The following TRPM7 variants were observed in gnomAD, a reference collection of about 807,000 sequenced individuals.
TRPM7 encodes the protein LTRPC ion channel family member 7.
A neutral mutation model predicts 229.7 loss-of-function variants in TRPM7; 134 were observed. That is an observed-to-expected ratio of 0.58 (90% CI 0.51 to 0.67). TRPM7 has a LOEUF of 0.67. TRPM7 is among the 30% of genes least tolerant of loss of function. The pLI is 0.00. For missense variants in TRPM7, 1,901 were observed against 2,210.0 expected (o/e 0.86, Z 2.80); for synonymous variants, 699 against 715.2 (o/e 0.98, Z 0.36).
At chr15:50,678,040 C>T (rs532528428) in intron 1 of TRPM7, among the ~76,000 whole-genome samples, 43 of 151,628 alleles carry the variant, frequency 2.8e-4, no homozygotes, top group African/African-American at 1.0e-3. Flanking sequence ...GAGATTGAGA[C>T]CAGTCTGACC....
chr15:50,575,919 C>T lies in TRPM7; in HGVS notation c.4619G>A (p.Gly1540Asp), dbSNP rs745891955. ...AGCTGGCTTAAATGGAGAAGTGAGA[C>T]CTAGAATGGCAAATAAACAAACGAG... ...EMPSEEGTLN[G>D]LTSPFKPAMD... is the part of the protein sequence containing the mutation. The change falls in exon 32 of 39, where the codon GGT becomes GAT. Residue 1540 changes from glycine to aspartate, a missense_variant and splice_region_variant. Around this residue, in one of 8 missense-constraint regions of TRPM7, gnomAD observed 533 missense variants for 497.1 expected, o/e 1.07. Transcript: ENST00000646667. The T allele has an allele frequency of 1.2e-6, 2 of 1,612,910 alleles. No homozygotes were observed. The highest frequency in any genetic ancestry group is 1.3e-5 in the African/African-American group (1 of 74,972).
At chr15:50,642,249 C>T (rs1234592026) in intron 5 of TRPM7, among the ~76,000 whole-genome samples, 1 of 152,160 alleles carries the variant, frequency 6.6e-6, no homozygotes, top group African/African-American at 2.4e-5. Context: ...GGAAATAATG[C>T]TTTGCTCTAC....
chr15:50,563,775 T>C (rs1237704061), intron 38 of TRPM7, among the ~76,000 whole-genome samples: 1 of 152,194 alleles, frequency 6.6e-6, no homozygotes, highest in Non-Finnish European at 1.5e-5. Context: ...ATTCATAAAC[T>C]TTCTTAAAAC....
chr15:50,637,303 C>T, intron 7 of TRPM7, 119 bp downstream of exon 7: 1 of 913,690 alleles, frequency 1.1e-6, no homozygotes, highest in Admixed American at 2.8e-5. Context: ...TTGGTTGTTT[C>T]ATATGTTATC....
intron 7 of TRPM7, 119 bp downstream of exon 7, chr15:50,637,303 C>A: frequency 1.1e-6 from 1 of 913,690 alleles, no homozygotes. Context: ...TTGGTTGTTT[C>A]ATATGTTATC....
In TRPM7 at chr15:50,686,768, C is replaced by CCCGCCT. The variant is rs1299312958; in HGVS notation, c.-241_-236dup. 5.1e-5 allele frequency: 24 copies of CCCGCCT among 472,444 alleles called. No individual in the cohort carries two copies. The highest frequency in any genetic ancestry group is 7.9e-5 in the Non-Finnish European group (22 of 277,478). 29.3% of individuals were successfully genotyped at this position (472,444 alleles called of 1,614,324 possible). On this transcript the variant is annotated 5_prime_UTR_variant, in exon 1 of 39. Transcript: ENST00000646667. ...GACTGGCCACAGGGACGCGCCCGCG[C>CCCGCCT]CCGCCTCCGCCGGCGACGGGGCTGG...
chr15:50,677,341 A>G (rs2062114973), intron 1 of TRPM7, among the ~76,000 whole-genome samples: 1 of 151,642 alleles, frequency 6.6e-6, no homozygotes, highest in Admixed American at 6.6e-5. Flanking sequence ...ATACCATCAC[A>G]CTGGAGGTTA....
Position 50,686,071 on chromosome 15 carries a change from C to T in TRPM7, c.3+460G>A, listed in dbSNP as rs149771791. Among the ~76,000 whole-genome samples the T allele has an allele frequency of 2.2e-4, 33 of 152,300 alleles. 1 individual carries two copies. In the East Asian group the frequency reaches 6.2e-3, roughly 28 times the overall value. ...CGTGTCCTCTACCCCCTTTTTGCAC[C>T]CTTCTAGCCCTCCCTCCCTTTTTTC... On this transcript the variant is annotated intron_variant, in intron 1 of 38. Transcript: ENST00000646667.
chr15:50,652,816 C>T (rs2061460604), intron 3 of TRPM7, among the ~76,000 whole-genome samples: 2 of 151,788 alleles, frequency 1.3e-5, no homozygotes, highest in African/African-American at 2.4e-5. Flanking sequence ...GCTTGGGTAA[C>T]AAAAGGAACT....
chr15:50,635,697 C>A (rs1406175634), intron 7 of TRPM7, among the ~76,000 whole-genome samples: 5 of 120,054 alleles, frequency 4.2e-5, no homozygotes, highest in Admixed American at 9.6e-5. Context: ...AAAAAGAGGA[C>A]GGCTGGGTAT....
chr15:50,652,977 T>C (rs1337634966), intron 3 of TRPM7, among the ~76,000 whole-genome samples: 2 of 152,072 alleles, frequency 1.3e-5, no homozygotes, highest in Non-Finnish European at 2.9e-5. Context: ...CCTGACAACA[T>C]GGCAAAACTC....
chr15:50,637,112 C>T (rs1279173045), intron 7 of TRPM7, among the ~76,000 whole-genome samples: 1 of 144,908 alleles, frequency 6.9e-6, no homozygotes, highest in African/African-American at 2.6e-5. Context: ...GGTGACAGAG[C>T]GAGACTCCGC....
chr15:50,644,938 G>A (rs1303722516), intron 4 of TRPM7, among the ~76,000 whole-genome samples: 1 of 151,542 alleles, frequency 6.6e-6, no homozygotes, highest in Non-Finnish European at 1.5e-5. Context: ...GTCAGGCTCT[G>A]TTGCCCAGGC....
intron 13 of TRPM7, among the ~76,000 whole-genome samples, chr15:50,617,456 T>C (rs182622400): frequency 1.1e-3 from 160 of 151,514 alleles, no homozygotes; most frequent in African/African-American, 3.5e-3. Flanking sequence ...TGAGCCGAGA[T>C]CGTGCCACCA....
At chr15:50,665,269 C>G (rs893201154) in intron 1 of TRPM7, among the ~76,000 whole-genome samples, 1 of 151,798 alleles carries the variant, frequency 6.6e-6, no homozygotes, top group Non-Finnish European at 1.5e-5. Flanking sequence ...TGGTGGCACA[C>G]ATCTGTAATC....
chr15:50,600,004 T>C (rs1363978830), intron 21 of TRPM7, among the ~76,000 whole-genome samples: 1 of 152,246 alleles, frequency 6.6e-6, no homozygotes, highest in Admixed American at 6.5e-5. Context: ...TAAATTACAA[T>C]GTACATTTTG....
At chr15:50,606,348 C>A (rs1397117639) in intron 20 of TRPM7, among the ~76,000 whole-genome samples, 1 of 151,978 alleles carries the variant, frequency 6.6e-6, no homozygotes, top group Admixed American at 6.6e-5. Context: ...CACTGCACTC[C>A]AGCCTGGGTC....
chr15:50,675,619 G>T (rs995842678), intron 1 of TRPM7, among the ~76,000 whole-genome samples: 1 of 152,084 alleles, frequency 6.6e-6, no homozygotes, highest in African/African-American at 2.4e-5. Context: ...TTTCTTCTCT[G>T]CCATCAGTTA....
intron 21 of TRPM7, 158 bp downstream of exon 21, chr15:50,604,708 T>A: frequency 1.4e-6 from 1 of 696,520 alleles, no homozygotes; most frequent in Non-Finnish European, 2.4e-6. Context: ...GGATTGAGCA[T>A]GAGAAACTCT....
Sources: gnomAD v4.1 joint callset for allele counts (sites outside exome capture counted in the v4.1 genomes callset) on GRCh38, gnomAD v4.1.1 for gene constraint, gnomAD v4.1.1 regional missense constraint, MANE v1.5 for transcripts, NCBI Gene and HGNC (gene_info 2026-07-23, HGNC 2026-07-21) for gene names.